MAP3K20: variants seen among roughly 807,000 people sequenced by gnomAD.
MAP3K20 encodes HCCS-4.
In MAP3K20, 40 loss-of-function variants were observed where a neutral mutation model predicts 85.7. That is an observed-to-expected ratio of 0.47 (90% CI 0.36 to 0.61). MAP3K20 has a LOEUF of 0.61. Ranked by LOEUF, MAP3K20 falls within the 20% of genes least tolerant of loss-of-function variation. MAP3K20 has a pLI of 0.00. For missense variants in MAP3K20, 817 were observed against 961.7 expected (o/e 0.85, Z 1.99); for synonymous variants, 325 against 327.7 (o/e 0.99, Z 0.09).
At position 173,266,928 on chromosome 2, in the gene MAP3K20, A is replaced by C; in HGVS notation, c.*178A>C. ...AGCCAAACCAGGGCCAAAATTATGG[A>C]TATTGGTCACCCAGTGATCATAACT... On this transcript the variant is annotated 3_prime_UTR_variant, in exon 20 of 20. Transcript: ENST00000375213. 1.4e-5 allele frequency: 7 copies of C among 512,860 alleles called. No homozygotes were observed. The highest frequency in any genetic ancestry group is 3.8e-5 in the Admixed American group (1 of 26,300). The allele number at this position is 512,860 out of a possible 1,614,324, so 31.8% of individuals were successfully genotyped here.
chr2:173,221,532 A>G, intron 11 of MAP3K20: 1 of 1,528,378 alleles, frequency 6.5e-7, no homozygotes, highest in Non-Finnish European at 8.8e-7. Context: ...AGTGAATGAA[A>G]GCAGAAAGCA....
At chr2:173,083,849 CT>C (rs1314836763) in intron 1 of MAP3K20, among the ~76,000 whole-genome samples, 1 of 152,108 alleles carries the variant, frequency 6.6e-6, no homozygotes, top group East Asian at 1.9e-4. Flanking sequence ...CAAAAAGTAT[CT>C]TTTTTGTCAC....
Position 173,239,384 on chromosome 2 carries a change from T to G in MAP3K20, c.1267-20T>G. The G allele has an allele frequency of 1.3e-6, 2 of 1,592,246 alleles. No individual in the cohort carries two copies. The highest frequency in any genetic ancestry group is 1.7e-6 in the Non-Finnish European group (2 of 1,170,894). ...TAAAAACAACATCTAGAATAATTGG[T>G]GCTTGGTTTCCTGTTTTAGGACTCA... is the stretch of plus-strand genomic sequence containing the variant. On this transcript the variant is annotated intron_variant, in intron 15 of 19. Coordinates refer to ENST00000375213, the MANE Select transcript of MAP3K20 (RefSeq NM_016653.3).
chr2:173,162,629 T>C (rs982579135), intron 2 of MAP3K20, among the ~76,000 whole-genome samples: 1 of 145,922 alleles, frequency 6.9e-6, no homozygotes, highest in African/African-American at 2.6e-5. Flanking sequence ...GAGGTTGCAG[T>C]GAGTCAAGAT....
intron 2 of MAP3K20, among the ~76,000 whole-genome samples, chr2:173,106,181 A>G (rs951804585): frequency 1.3e-5 from 2 of 152,222 alleles, no homozygotes; most frequent in Non-Finnish European, 2.9e-5. Flanking sequence ...AATTTTTTGT[A>G]GAAATTGATA....
intron 3 of MAP3K20, among the ~76,000 whole-genome samples, chr2:173,181,852 TA>T (rs1690338592): frequency 6.8e-6 from 1 of 147,262 alleles, no homozygotes; most frequent in South Asian, 2.2e-4. Context: ...AGTTTGAGAT[TA>T]CCCTAAGCAA....
At chr2:173,166,042 C>T (rs968574123) in intron 2 of MAP3K20, among the ~76,000 whole-genome samples, 1 of 152,184 alleles carries the variant, frequency 6.6e-6, no homozygotes, top group African/African-American at 2.4e-5. Flanking sequence ...AAATTTTCAT[C>T]ACCCCAAACA....
chr2:173,192,781 G>GTTTA (rs1328723334), intron 7 of MAP3K20, among the ~76,000 whole-genome samples: 1 of 152,060 alleles, frequency 6.6e-6, no homozygotes, highest in African/African-American at 2.4e-5. Context: ...ATAACCAAAC[G>GTTTA]TTTATTTACT....
intron 3 of MAP3K20, among the ~76,000 whole-genome samples, chr2:173,180,892 G>A (rs945964554): frequency 2.0e-5 from 3 of 152,032 alleles, no homozygotes; most frequent in African/African-American, 7.2e-5. Context: ...TGAGAAATTG[G>A]AATTTATAAA....
At chr2:173,158,037 T>C (rs549847535) in intron 2 of MAP3K20, among the ~76,000 whole-genome samples, 1 of 152,330 alleles carries the variant, frequency 6.6e-6, no homozygotes, top group South Asian at 2.1e-4. Context: ...TTTGAGATCA[T>C]ACTACTTGTA....
intron 2 of MAP3K20, among the ~76,000 whole-genome samples, chr2:173,126,437 T>C (rs980445417): frequency 6.6e-6 from 1 of 152,190 alleles, no homozygotes; most frequent in African/African-American, 2.4e-5. Context: ...TGGAATGCAG[T>C]GGTGTAATCT....
In MAP3K20 at chr2:173,217,226, G is replaced by A; in HGVS notation, c.963G>A (p.Lys321=). The part of the protein sequence containing the change: ...RERRLKMWEQ[K]LTEQSNTPLL... ...GACGTTTAAAGATGTGGGAGCAAAA[G>A]CTGACAGAGCAGTCCAACACCCCGG... The change falls in exon 11 of 20, where the codon AAG becomes AAA. Residue 321 remains lysine, a synonymous_variant. Transcript: ENST00000375213. The A allele has an allele frequency of 6.3e-7, 1 of 1,596,890 alleles. No homozygotes were observed. Among genetic ancestry groups the A allele is most frequent in the Non-Finnish European group, 8.5e-7 (1 of 1,171,294 alleles).
chr2:173,199,332 C>T (rs1690957868), intron 8 of MAP3K20, among the ~76,000 whole-genome samples: 1 of 152,202 alleles, frequency 6.6e-6, no homozygotes, highest in East Asian at 1.9e-4. Context: ...TGGGAAAGAG[C>T]TGCCAATTTA....
At chr2:173,233,072 C>A (rs1206840170) in intron 14 of MAP3K20, among the ~76,000 whole-genome samples, 1 of 152,220 alleles carries the variant, frequency 6.6e-6, no homozygotes, top group East Asian at 1.9e-4. Context: ...AAAACAGATA[C>A]TGCCTATGCG....
chr2:173,218,013 A>C (rs1440534834), intron 11 of MAP3K20, among the ~76,000 whole-genome samples: 1 of 152,176 alleles, frequency 6.6e-6, no homozygotes, highest in Non-Finnish European at 1.5e-5. Context: ...TAAATTTATA[A>C]TTGTTTTTTT....
chr2:173,116,859 T>C (rs1688137814), intron 2 of MAP3K20, among the ~76,000 whole-genome samples: 1 of 152,220 alleles, frequency 6.6e-6, no homozygotes, highest in South Asian at 2.1e-4. Flanking sequence ...TCACCCAGTC[T>C]CTGAACAGTA....
intron 16 of MAP3K20, among the ~76,000 whole-genome samples, chr2:173,249,788 A>G (rs746196853): frequency 3.9e-5 from 6 of 152,218 alleles, no homozygotes; most frequent in Non-Finnish European, 5.9e-5. Context: ...TTTCAAATAC[A>G]GTTAAGGGGA....
At chr2:173,225,032 C>T in intron 11 of MAP3K20, 1 of 983,954 alleles carries the variant, frequency 1.0e-6, no homozygotes, top group Non-Finnish European at 1.2e-6. Flanking sequence ...TTGAATCTCT[C>T]AGTTGTGGGA....
intron 3 of MAP3K20, among the ~76,000 whole-genome samples, chr2:173,170,823 G>T (rs1375383137): frequency 6.6e-6 from 1 of 152,000 alleles, no homozygotes; most frequent in Non-Finnish European, 1.5e-5. Context: ...CTTTTCCATG[G>T]TCACCTAGCT....
Sources: gnomAD v4.1 joint callset for allele counts (sites outside exome capture counted in the v4.1 genomes callset) on GRCh38, gnomAD v4.1.1 for gene constraint, MANE v1.5 for transcripts, NCBI Gene and HGNC (gene_info 2026-07-23, HGNC 2026-07-21) for gene names.